Variants in ATOSA observed in about 807,000 individuals in gnomAD.
ATOSA encodes atos homolog protein A.
the ATOSA span, among the ~76,000 whole-genome samples, chr15:52,663,968 A>G: frequency 6.6e-6 from 1 of 152,226 alleles, no homozygotes; most frequent in Non-Finnish European, 1.5e-5. Context: ...AATGAATGCC[A>G]CAAAAATTCA....
At chr15:52,685,423 TTTTTTG>T in the ATOSA span, among the ~76,000 whole-genome samples, 53 of 150,058 alleles carry the variant, frequency 3.5e-4, no homozygotes, top group African/African-American at 1.2e-3. Context: ...AGAGTTTTTT[TTTTTTG>T]TTTTGTTTTG....
chr15:52,634,876 A>G, the ATOSA span, among the ~76,000 whole-genome samples: 3 of 152,196 alleles, frequency 2.0e-5, no homozygotes, highest in Non-Finnish European at 4.4e-5. Context: ...TGCTGGGATT[A>G]CAGGTGTGAG....
At chr15:52,622,915 G>A in the ATOSA span, among the ~76,000 whole-genome samples, 1 of 151,760 alleles carries the variant, frequency 6.6e-6, no homozygotes, top group African/African-American at 2.4e-5. Flanking sequence ...TTAAGCCCAG[G>A]AGTTTGAGAC....
chr15:52,658,516 C>T, the ATOSA span: 1 of 383,578 alleles, frequency 2.6e-6, no homozygotes, highest in Non-Finnish European at 4.6e-6. Context: ...AGAGAGGAAA[C>T]ATCAGTAAGA....
the ATOSA span, chr15:52,581,368 A>G: frequency 3.3e-5 from 5 of 152,246 alleles, no homozygotes; most frequent in African/African-American, 7.2e-5. Context: ...ATTTGTTTCC[A>G]AAGTACATAT....
the ATOSA span, chr15:52,601,083 T>C: frequency 6.6e-7 from 1 of 1,512,694 alleles, no homozygotes. Flanking sequence ...TTGAGATAAA[T>C]ACCTTCTAGA....
the ATOSA span, among the ~76,000 whole-genome samples, chr15:52,607,335 C>T: frequency 6.6e-6 from 1 of 152,152 alleles, no homozygotes; most frequent in East Asian, 1.9e-4. Flanking sequence ...TAAGCTAATA[C>T]AAATTTGATT....
chr15:52,693,495 A>G, the ATOSA span, among the ~76,000 whole-genome samples: 1 of 152,222 alleles, frequency 6.6e-6, no homozygotes, highest in East Asian at 1.9e-4. Context: ...ATATATGATC[A>G]ACATTTTAAA....
chr15:52,638,698 CAAA>C, the ATOSA span, among the ~76,000 whole-genome samples: 112 of 100,818 alleles, frequency 1.1e-3, no homozygotes, highest in Middle Eastern at 5.0e-3. Flanking sequence ...GAGACTCTGC[CAAA>C]AAAAAAAAAA....
chr15:52,682,672 C>T, the ATOSA span, among the ~76,000 whole-genome samples: 2 of 152,126 alleles, frequency 1.3e-5, no homozygotes, highest in Admixed American at 6.5e-5. Context: ...GTAATCAGTA[C>T]ATCTTATTTG....
the ATOSA span, among the ~76,000 whole-genome samples, chr15:52,621,098 C>T: frequency 1.3e-5 from 2 of 152,120 alleles, no homozygotes; most frequent in Non-Finnish European, 2.9e-5. Flanking sequence ...TTTATACCAA[C>T]TTAAAAAAAT....
the ATOSA span, among the ~76,000 whole-genome samples, chr15:52,603,427 C>A: frequency 6.6e-6 from 1 of 151,762 alleles, no homozygotes; most frequent in Admixed American, 6.6e-5. Context: ...GGAAGTTCCT[C>A]AAAAAACTAA....
At chr15:52,687,372 T>C in the ATOSA span, among the ~76,000 whole-genome samples, 1 of 152,224 alleles carries the variant, frequency 6.6e-6, no homozygotes, top group Non-Finnish European at 1.5e-5. Flanking sequence ...GCCACTGCAC[T>C]CCAGCCTGGG....
the ATOSA span, among the ~76,000 whole-genome samples, chr15:52,667,473 G>A: frequency 6.6e-6 from 1 of 152,194 alleles, no homozygotes. Flanking sequence ...GTAAGTATTA[G>A]ATTGAATGCA....
chr15:52,650,864 T>C, the ATOSA span, among the ~76,000 whole-genome samples: 3 of 152,228 alleles, frequency 2.0e-5, no homozygotes, highest in Non-Finnish European at 4.4e-5. Flanking sequence ...AATATGCTAA[T>C]TAGTCTGCTC....
At chr15:52,676,247 T>C in the ATOSA span, among the ~76,000 whole-genome samples, 2 of 152,128 alleles carry the variant, frequency 1.3e-5, no homozygotes, top group Non-Finnish European at 2.9e-5. Flanking sequence ...GACACCAATG[T>C]AGTTTAAAAA....
the ATOSA span, among the ~76,000 whole-genome samples, chr15:52,598,326 G>A: frequency 6.6e-6 from 1 of 152,158 alleles, no homozygotes; most frequent in Non-Finnish European, 1.5e-5. Flanking sequence ...TGCTCTAAAT[G>A]GTGGCAAGAA....
chr15:52,634,870 G>A, the ATOSA span, among the ~76,000 whole-genome samples: 1 of 152,036 alleles, frequency 6.6e-6, no homozygotes, highest in Non-Finnish European at 1.5e-5. Context: ...CCAAAGTGCT[G>A]GGATTACAGG....
chr15:52,607,250 T>C, the ATOSA span, among the ~76,000 whole-genome samples: 1 of 152,188 alleles, frequency 6.6e-6, no homozygotes, highest in Non-Finnish European at 1.5e-5. Context: ...ACTTTGAAAG[T>C]CATTAACTGA....
Sources: allele counts gnomAD v4.1 joint callset (sites outside exome capture counted in the v4.1 genomes callset), GRCh38; gene constraint gnomAD v4.1.1; transcripts MANE v1.5; gene names NCBI Gene and HGNC (gene_info 2026-07-23, HGNC 2026-07-21).